ARHGAP17: variants seen among roughly 807,000 people sequenced by gnomAD.
The protein encoded by ARHGAP17 is Rho GTPase activating protein 17.
Under a neutral mutation model 99.5 loss-of-function variants are expected in ARHGAP17, and 57 were observed. The ratio of observed to expected loss-of-function variants is 0.57; its 90% CI spans 0.46 to 0.71. ARHGAP17 has a LOEUF of 0.71. Among genes scored for constraint, ARHGAP17 ranks in the 30% least tolerant of loss-of-function variants. The pLI, the probability that ARHGAP17 is intolerant of heterozygous loss-of-function variation, is 0.00. For missense variants in ARHGAP17, 1,000 were observed against 1,122.4 expected, an observed-to-expected ratio of 0.89 and a Z score of 1.56; for synonymous variants, 417 against 429.6, an observed-to-expected ratio of 0.97 and a Z score of 0.36.
At position 24,997,332 on chromosome 16, in the gene ARHGAP17, AC is replaced by A. The variant is rs575091319; in HGVS notation, c.53+17876del. 2.6e-3 allele frequency among the ~76,000 whole-genome samples: 389 copies of A among 148,306 alleles called. 4 individuals are homozygous for A. The highest frequency in any genetic ancestry group is 2.8e-3 in the Non-Finnish European group (192 of 67,392). ...GACTGGTGCAAGGCGCCCAGTACAC[AC>A]CCGGACACATATTCTGTCATTAGCA... On this transcript the variant is annotated intron_variant, in intron 1 of 19. Transcript: ENST00000289968.
chr16:24,944,127 C>G (rs1438402142), intron 14 of ARHGAP17, among the ~76,000 whole-genome samples: 1 of 151,858 alleles, frequency 6.6e-6, no homozygotes, highest in Non-Finnish European at 1.5e-5. Flanking sequence ...AAAAATTAGC[C>G]AGGCGTGGTG....
At chr16:24,989,444 G>C (rs2052969158) in intron 1 of ARHGAP17, among the ~76,000 whole-genome samples, 1 of 152,172 alleles carries the variant, frequency 6.6e-6, no homozygotes, top group Non-Finnish European at 1.5e-5. Flanking sequence ...AGTGGAAAAA[G>C]ATCTAGGAGG....
chr16:24,973,502 T>C (rs996489181), intron 3 of ARHGAP17, among the ~76,000 whole-genome samples: 2 of 152,214 alleles, frequency 1.3e-5, no homozygotes, highest in African/African-American at 2.4e-5. Flanking sequence ...TCGTTTGACG[T>C]TGGAAAAGGA....
At chr16:24,949,621 G>A in intron 12 of ARHGAP17, 137 bp from the exon 13 acceptor site, 1 of 682,342 alleles carries the variant, frequency 1.5e-6, no homozygotes, top group Non-Finnish European at 2.4e-6. Flanking sequence ...GAAATAAACA[G>A]ATTTAGAGTC....
chr16:24,986,804 G>A (rs183550726), intron 1 of ARHGAP17, among the ~76,000 whole-genome samples: 1 of 152,356 alleles, frequency 6.6e-6, no homozygotes, highest in African/African-American at 2.4e-5. Context: ...AGGCTGGGCT[G>A]GAGGTGTATT....
chr16:24,982,983 T>TATACAC lies in ARHGAP17; in HGVS notation c.54-3979_54-3978insGTGTAT, dbSNP rs1218177565. 3.1e-3 allele frequency among the ~76,000 whole-genome samples: 47 copies of TATACAC among 15,022 alleles called. 1 individual carries two copies. Among genetic ancestry groups the TATACAC allele is most frequent in the African/African-American group, 9.2e-3 (46 of 4,976 alleles). The allele number at this position is 15,022 out of a possible 152,430, so 9.9% of individuals were successfully genotyped here. A position where few individuals can be genotyped will look rare whatever the true frequency, so the allele number is the denominator to read the frequency against. ...GATAAATCATATATATATATATATA[T>TATACAC]ATATATATATATATTTTTTTTTTTT... On this transcript the variant is annotated intron_variant, in intron 1 of 19. Transcript: ENST00000289968.
chr16:24,978,301 C>T (rs1229449049), intron 2 of ARHGAP17, among the ~76,000 whole-genome samples: 3 of 152,318 alleles, frequency 2.0e-5, no homozygotes, highest in Non-Finnish European at 4.4e-5. Context: ...GTGCCTGGGA[C>T]GTTATCTTTC....
chr16:24,997,802 T>C (rs542993604), intron 1 of ARHGAP17, among the ~76,000 whole-genome samples: 1 of 152,100 alleles, frequency 6.6e-6, no homozygotes, highest in South Asian at 2.1e-4. Context: ...ACTGGGAGGA[T>C]ATGAAGGTAC....
intron 1 of ARHGAP17, among the ~76,000 whole-genome samples, chr16:24,990,771 CTTTT>C (rs11371621): frequency 2.2e-5 from 3 of 135,262 alleles, no homozygotes; most frequent in Admixed American, 7.5e-5. Flanking sequence ...TGGGGCTTGG[CTTTT>C]TTTTTTTTTT....
intron 18 of ARHGAP17, among the ~76,000 whole-genome samples, chr16:24,932,710 C>T (rs1246542062): frequency 6.6e-6 from 1 of 152,036 alleles, no homozygotes; most frequent in Non-Finnish European, 1.5e-5. Flanking sequence ...CATCACTCTC[C>T]TCCCTACACC....
At chr16:25,001,738 G>A (rs2141483184) in intron 1 of ARHGAP17, among the ~76,000 whole-genome samples, 1 of 152,136 alleles carries the variant, frequency 6.6e-6, no homozygotes, top group East Asian at 1.9e-4. Flanking sequence ...GTATTTGTAA[G>A]AGACCAGCTC....
intron 1 of ARHGAP17, among the ~76,000 whole-genome samples, chr16:24,992,960 C>A (rs1415486402): frequency 6.6e-6 from 1 of 152,166 alleles, no homozygotes; most frequent in African/African-American, 2.4e-5. Context: ...CCACCACACT[C>A]ATCTAATTTT....
chr16:24,987,353 T>C (rs13336779), intron 1 of ARHGAP17, among the ~76,000 whole-genome samples: 10,613 of 152,246 alleles, frequency 0.07, 1,218 homozygotes, highest in African/African-American at 0.24. Context: ...AGCAGCCGCA[T>C]TTAGCCCACA....
chr16:24,993,588 C>CAAA (rs74798570), intron 1 of ARHGAP17, among the ~76,000 whole-genome samples: 23 of 113,634 alleles, frequency 2.0e-4, no homozygotes, highest in African/African-American at 5.9e-4. Context: ...GACTCTGTCT[C>CAAA]AAAAAAAAAA....
intron 1 of ARHGAP17, among the ~76,000 whole-genome samples, chr16:24,992,901 G>A (rs999065196): frequency 6.6e-6 from 1 of 152,148 alleles, no homozygotes; most frequent in African/African-American, 2.4e-5. Flanking sequence ...CCTGGGCTCA[G>A]CAATCCTCCT....
intron 19 of ARHGAP17, among the ~76,000 whole-genome samples, chr16:24,927,914 GC>G (rs1183668900): frequency 1.3e-5 from 2 of 152,164 alleles, no homozygotes; most frequent in Non-Finnish European, 2.9e-5. Flanking sequence ...CTGGTGCTGA[GC>G]TGTGAGAAGT....
rs373850550 is a variant in ARHGAP17, at chr16:24,939,409, G to C, written c.1679C>G (p.Ser560Cys). The change falls in exon 17 of 20, where the codon TCT becomes TGT. Residue 560 changes from serine (S) to cysteine (C), a missense_variant. Physicochemically the swap from Ser to Cys is moderately radical, Grantham distance 112 (BLOSUM62 -1). Transcript: ENST00000289968. ...CCCCTGCTCCAGTATGCCCGCGGAA[G>C]AGGGGACAGTCCCACCCCCAGAGCT... ...ESSSGGGTVP[S>C]SAGILEQGPS... 1.9e-5 allele frequency: 30 copies of C among 1,611,094 alleles called. No homozygotes were observed. The highest frequency in any genetic ancestry group is 2.5e-5 in the Non-Finnish European group (29 of 1,179,866).
In ARHGAP17 at chr16:24,931,232, GGGCTGGCCTGGA is replaced by G. The variant is rs1217015186; in HGVS notation, c.2055_2066del (p.Pro686_Pro689del). On this transcript the variant is annotated inframe_deletion, in exon 19 of 20. Transcript: ENST00000289968. The stretch of plus-strand genomic sequence containing the variant: ...GTGCTGAGAGCTGGGAGGGGGCGGA[GGGCTGGCCTGGA>G]GGCTGGCCCGTGTGCTGGGTGGGAG... The G allele has an allele frequency of 6.4e-7, 1 of 1,555,794 alleles. No homozygotes were observed. Among genetic ancestry groups the G allele is most frequent in the Non-Finnish European group, 8.7e-7 (1 of 1,151,536 alleles).
At chr16:24,968,464 G>T in intron 5 of ARHGAP17, 37 bp from the exon 6 acceptor site, 1 of 1,609,174 alleles carries the variant, frequency 6.2e-7, no homozygotes, top group Non-Finnish European at 8.5e-7. Flanking sequence ...ATGCACTTCA[G>T]GGCTTTTAGG....
Sources: gnomAD v4.1 joint callset for allele counts (sites outside exome capture counted in the v4.1 genomes callset) on GRCh38, gnomAD v4.1.1 for gene constraint, MANE v1.5 for transcripts, NCBI Gene and HGNC (gene_info 2026-07-23, HGNC 2026-07-21) for gene names.